The following KIAA0825 variants were observed in gnomAD, a reference collection of about 807,000 sequenced individuals.
KIAA0825 encodes the protein uncharacterized protein KIAA0825.
KIAA0825 carries 119 observed loss-of-function variants against 147.6 expected under a neutral mutation model. The observed-to-expected ratio is 0.81, with a 90% confidence interval of 0.69 to 0.94. The LOEUF (loss-of-function observed/expected upper bound fraction) is 0.94. Among genes scored for constraint, KIAA0825 ranks in the 40% least tolerant of loss-of-function variants. The pLI is 0.00. For synonymous variants in KIAA0825, 470 were observed against 518.1 expected, an observed-to-expected ratio of 0.91 and a Z score of 1.26; for missense variants, 1,381 against 1,472.7, an observed-to-expected ratio of 0.94 and a Z score of 1.02.
intron 16 of KIAA0825, among the ~76,000 whole-genome samples, chr5:94,397,575 ATTC>A (rs1271859068): frequency 1.1e-4 from 16 of 152,286 alleles, no homozygotes; most frequent in African/African-American, 3.8e-4. Flanking sequence ...AAATGTATTA[ATTC>A]TTCTTCTCTG....
intron 20 of KIAA0825, among the ~76,000 whole-genome samples, chr5:94,181,335 A>G (rs2149977370): frequency 6.6e-6 from 1 of 152,300 alleles, no homozygotes; most frequent in South Asian, 2.1e-4. Flanking sequence ...CAAGAATTAC[A>G]AAGTTAGGTA....
chr5:94,427,744 TGG>T (rs1425016420), intron 14 of KIAA0825, among the ~76,000 whole-genome samples: 1 of 152,164 alleles, frequency 6.6e-6, no homozygotes. Flanking sequence ...ATGCTGTCAG[TGG>T]GGTGTTGAAC....
intron 15 of KIAA0825, among the ~76,000 whole-genome samples, chr5:94,410,079 A>G (rs981713774): frequency 1.3e-5 from 2 of 152,098 alleles, no homozygotes; most frequent in Admixed American, 1.3e-4. Context: ...ATGTATAAGA[A>G]TATTTAAATG....
intron 13 of KIAA0825, among the ~76,000 whole-genome samples, chr5:94,440,961 G>C (rs551288124): frequency 5.9e-5 from 9 of 152,206 alleles, no homozygotes; most frequent in African/African-American, 2.2e-4. Flanking sequence ...ACTCAATCTG[G>C]TGACAGCCTT....
At chr5:94,330,993 C>G (rs1781207479) in intron 20 of KIAA0825, among the ~76,000 whole-genome samples, 1 of 151,870 alleles carries the variant, frequency 6.6e-6, no homozygotes, top group Non-Finnish European at 1.5e-5. Context: ...AAATAATTAG[C>G]CAGACGTGGT....
At chr5:94,162,051 T>C (rs1767631158) in intron 20 of KIAA0825, among the ~76,000 whole-genome samples, 1 of 152,232 alleles carries the variant, frequency 6.6e-6, no homozygotes, top group Admixed American at 6.5e-5. Context: ...TCTTCTGTTC[T>C]TGATTCAGCC....
At chr5:94,595,724 A>T (rs2152404791) in intron 1 of KIAA0825, among the ~76,000 whole-genome samples, 1 of 152,280 alleles carries the variant, frequency 6.6e-6, no homozygotes, top group East Asian at 1.9e-4. Context: ...TCCCTTTTAA[A>T]AATAAGTTCC....
intron 20 of KIAA0825, among the ~76,000 whole-genome samples, chr5:94,213,156 C>G (rs888192270): frequency 7.2e-5 from 11 of 151,984 alleles, no homozygotes; most frequent in African/African-American, 2.2e-4. Context: ...TTCACAGGCT[C>G]TCTCCCCACA....
chr5:94,286,874 C>T (rs1172848697), intron 20 of KIAA0825, among the ~76,000 whole-genome samples: 1 of 152,126 alleles, frequency 6.6e-6, no homozygotes, highest in East Asian at 1.9e-4. Flanking sequence ...GCACCCCCAC[C>T]TCTGCTTCTC....
chr5:94,359,529 G>T (rs190659145), intron 20 of KIAA0825, among the ~76,000 whole-genome samples: 1 of 152,070 alleles, frequency 6.6e-6, no homozygotes, highest in Non-Finnish European at 1.5e-5. Context: ...GGCCGAGATG[G>T]GATGATTGCT....
Position 94,533,483 on chromosome 5 carries a change from G to T in KIAA0825, c.131+3513C>A, listed in dbSNP as rs559568932. Among the ~76,000 whole-genome samples the T allele has an allele frequency of 1.5e-4, 22 of 151,144 alleles. No homozygotes were observed. In the South Asian group the frequency reaches 4.6e-3, roughly 32 times the overall value. Reference sequence around the variant, plus strand: ...GTAGAGACAGGGTTTCATCATATTGGCCAGGCTGGTCTCGAACTCCTGACT... The same window carrying T: ...GTAGAGACAGGGTTTCATCATATTGTCCAGGCTGGTCTCGAACTCCTGACT... On this transcript the variant is annotated intron_variant, in intron 3 of 20. Coordinates refer to ENST00000682413, the MANE Select transcript of KIAA0825 (RefSeq NM_001145678.3).
chr5:94,558,845 AAG>A (rs1329623582), intron 2 of KIAA0825, among the ~76,000 whole-genome samples: 1 of 152,242 alleles, frequency 6.6e-6, no homozygotes, highest in Non-Finnish European at 1.5e-5. Context: ...CTATACCGGG[AAG>A]AAAGCAATGT....
At chr5:94,204,201 A>T (rs1342175615) in intron 20 of KIAA0825, among the ~76,000 whole-genome samples, 3 of 152,208 alleles carry the variant, frequency 2.0e-5, no homozygotes, top group African/African-American at 7.2e-5. Context: ...TTGCTAATTC[A>T]GTTAAGGATT....
intron 2 of KIAA0825, among the ~76,000 whole-genome samples, chr5:94,557,272 T>G (rs1487295519): frequency 2.6e-5 from 4 of 152,084 alleles, no homozygotes; most frequent in African/African-American, 9.7e-5. Flanking sequence ...CTACCATGCC[T>G]GGCTAATTTT....
intron 14 of KIAA0825, among the ~76,000 whole-genome samples, chr5:94,427,611 C>T (rs1755060838): frequency 6.6e-6 from 1 of 152,176 alleles, no homozygotes; most frequent in African/African-American, 2.4e-5. Context: ...AAGATTTGTA[C>T]TTTCCACCTT....
chr5:94,536,472 G>A (rs555635149), intron 3 of KIAA0825, among the ~76,000 whole-genome samples: 40 of 152,286 alleles, frequency 2.6e-4, no homozygotes, highest in African/African-American at 9.6e-4. Context: ...CAAAGAACAC[G>A]TATTAATGAG....
At chr5:94,366,194 G>T (rs932883072) in intron 20 of KIAA0825, among the ~76,000 whole-genome samples, 1 of 152,270 alleles carries the variant, frequency 6.6e-6, no homozygotes, top group East Asian at 1.9e-4. Flanking sequence ...CCACACAGCC[G>T]GCTCTGTGTG....
chr5:94,522,026 A>G (rs1768310825), intron 4 of KIAA0825, among the ~76,000 whole-genome samples: 1 of 151,824 alleles, frequency 6.6e-6, no homozygotes, highest in Non-Finnish European at 1.5e-5. Context: ...ATAAATAATT[A>G]TACCCAATAA....
chr5:94,497,068 A>T (rs1329308884), intron 5 of KIAA0825, among the ~76,000 whole-genome samples: 3 of 152,166 alleles, frequency 2.0e-5, no homozygotes, highest in African/African-American at 7.2e-5. Context: ...CTGAACACAT[A>T]CTATATGGTA....
Sources: allele counts gnomAD v4.1 joint callset (sites outside exome capture counted in the v4.1 genomes callset), GRCh38; gene constraint gnomAD v4.1.1; transcripts MANE v1.5; gene names NCBI Gene and HGNC (gene_info 2026-07-23, HGNC 2026-07-21).